NFASC: variants seen among roughly 807,000 people sequenced by gnomAD.
NFASC encodes neurofascin.
NFASC carries 43 observed loss-of-function variants against 147.5 expected under a neutral mutation model. That is an observed-to-expected ratio of 0.29 (90% CI 0.23 to 0.38). The LOEUF (loss-of-function observed/expected upper bound fraction) is 0.38. Among genes scored for constraint, NFASC ranks in the 10% least tolerant of loss-of-function variants. The pLI is 1.00. For missense variants in NFASC, 1,320 were observed against 1,689.0 expected (o/e 0.78, Z 3.83); for synonymous variants, 622 against 665.5 (o/e 0.93, Z 1.01).
chr1:204,983,745 G>A (rs993054821), intron 21 of NFASC, among the ~76,000 whole-genome samples: 1 of 152,186 alleles, frequency 6.6e-6, no homozygotes, highest in Non-Finnish European at 1.5e-5. Flanking sequence ...GAAGGGTGGA[G>A]GACAAAACGA....
intron 1 of NFASC, among the ~76,000 whole-genome samples, chr1:204,859,308 G>A (rs2076465050): frequency 6.6e-6 from 1 of 152,204 alleles, no homozygotes; most frequent in Non-Finnish European, 1.5e-5. Flanking sequence ...CCCAAGCCAG[G>A]CAGCCGGGCA....
At chr1:204,894,654 C>T (rs548705508) in intron 1 of NFASC, among the ~76,000 whole-genome samples, 6 of 152,324 alleles carry the variant, frequency 3.9e-5, no homozygotes, top group African/African-American at 1.2e-4. Context: ...CCCTTTAAAA[C>T]ATTTTACCAC....
At chr1:204,966,473 T>G (rs893111787) in intron 8 of NFASC, among the ~76,000 whole-genome samples, 1 of 152,158 alleles carries the variant, frequency 6.6e-6, no homozygotes, top group African/African-American at 2.4e-5. Context: ...CCCTAGAATC[T>G]CCTTTCCTCA....
At chr1:204,930,875 G>A (rs751016745) in intron 2 of NFASC, among the ~76,000 whole-genome samples, 2 of 152,320 alleles carry the variant, frequency 1.3e-5, no homozygotes, top group South Asian at 2.1e-4. Context: ...GGATATAGGA[G>A]GGCAGATGCT....
chr1:204,982,112 TG>T, intron 21 of NFASC, 92 bp downstream of exon 21: 2 of 806,346 alleles, frequency 2.5e-6, no homozygotes, highest in Non-Finnish European at 3.7e-6. Context: ...GGGGTGGGTA[TG>T]GGAGGACAGC....
intron 1 of NFASC, among the ~76,000 whole-genome samples, chr1:204,850,305 C>T (rs2075559537): frequency 6.6e-6 from 1 of 152,194 alleles, no homozygotes; most frequent in South Asian, 2.1e-4. Flanking sequence ...TATTTAGTAC[C>T]TTGTCCCATG....
chr1:204,921,886 C>T (rs553346950), intron 2 of NFASC, among the ~76,000 whole-genome samples: 1 of 151,940 alleles, frequency 6.6e-6, no homozygotes, highest in African/African-American at 2.4e-5. Context: ...CCTTTAGGGC[C>T]ACCACTTATC....
In NFASC at chr1:204,871,153, C is replaced by T. The variant is rs542770620; in HGVS notation, c.-200+42371C>T. 1.0e-4 allele frequency: 125 copies of T among 1,206,366 alleles called. 1 individual carries two copies. Among genetic ancestry groups the T allele is most frequent in the African/African-American group, 3.0e-4 (19 of 64,386 alleles). 74.7% of individuals were successfully genotyped at this position (1,206,366 alleles called of 1,614,324 possible). On this transcript the variant is annotated intron_variant, in intron 1 of 29. Coordinates refer to ENST00000339876, the MANE Select transcript of NFASC (RefSeq NM_001005388.3). ...GCTTTGGCCTTCAAAGACTCTGAAG[C>T]GGTGTGTGCTAGGATTGTGCATACT...
chr1:204,979,041 C>T lies in NFASC; in HGVS notation c.1950C>T (p.Pro650=), dbSNP rs192014745. The change falls in exon 18 of 30, where the codon CCC becomes CCT. Residue 650 remains proline, a synonymous_variant. Transcript: ENST00000339876. This position sits in a 1 kb window ranked among gnomAD's most constrained non-coding sequence, Gnocchi z 6.0. Reference sequence around the variant, plus strand: ...GGAGCGTGCGGCTGACCTGGATCCCCGGGGATGCTAACAACAGCCCCATCA... The same window carrying T: ...GGAGCGTGCGGCTGACCTGGATCCCTGGGGATGCTAACAACAGCCCCATCA... ...AERSVRLTWI[P]GDANNSPITD... 1,157 of 1,564,180 alleles carry T rather than the reference C, an allele frequency of 7.4e-4. 3 individuals are homozygous for T. Among genetic ancestry groups the T allele is most frequent in the Non-Finnish European group, 9.3e-4 (1,077 of 1,153,456 alleles).
chr1:204,878,903 T>C lies in NFASC; in HGVS notation c.-199-41729T>C, dbSNP rs777233779. On this transcript the variant is annotated intron_variant, in intron 1 of 29. Coordinates refer to ENST00000339876, the MANE Select transcript of NFASC (RefSeq NM_001005388.3). ...CATCCAGGAGGCAGGGGGACAGATC[T>C]TTGGAGAGGCCTGGCCAGAACTGGT... is the stretch of plus-strand genomic sequence containing the variant. Among the ~76,000 whole-genome samples, 160 of 152,358 alleles carry C rather than the reference T, an allele frequency of 1.1e-3. 5 individuals are homozygous for C. The highest frequency in any genetic ancestry group is 8.1e-4 in the Non-Finnish European group (55 of 68,030).
intron 1 of NFASC, among the ~76,000 whole-genome samples, chr1:204,853,207 T>C (rs1398599957): frequency 6.6e-6 from 1 of 152,098 alleles, no homozygotes; most frequent in African/African-American, 2.4e-5. Context: ...CTGAAAAAAA[T>C]GTTTTAATAT....
At chr1:204,957,525 G>C in intron 7 of NFASC, 131 bp from the exon 8 acceptor site, 1 of 746,458 alleles carries the variant, frequency 1.3e-6, no homozygotes, top group South Asian at 1.7e-5. Context: ...GAGTTGAGAG[G>C]ATTAGACCAA....
chr1:204,890,489 G>A (rs995140237), intron 1 of NFASC, among the ~76,000 whole-genome samples: 1 of 152,124 alleles, frequency 6.6e-6, no homozygotes, highest in Non-Finnish European at 1.5e-5. Flanking sequence ...AAGGGGAGAA[G>A]GGAAACATTT....
At chr1:204,836,232 C>T (rs987563010) in intron 1 of NFASC, among the ~76,000 whole-genome samples, 2 of 151,948 alleles carry the variant, frequency 1.3e-5, no homozygotes, top group Middle Eastern at 3.2e-3. Flanking sequence ...CTAGTTTTAT[C>T]TTTATTTGCA....
chr1:204,940,143 A>G (rs1458160229), intron 2 of NFASC, among the ~76,000 whole-genome samples: 2 of 152,206 alleles, frequency 1.3e-5, no homozygotes, highest in Admixed American at 6.5e-5. Flanking sequence ...GAGGTGAAAC[A>G]TAAACCGTTT....
chr1:204,843,729 G>A (rs907413557), intron 1 of NFASC, among the ~76,000 whole-genome samples: 8 of 144,544 alleles, frequency 5.5e-5, no homozygotes, highest in African/African-American at 1.8e-4. Context: ...TTTCTTTCAC[G>A]GAATTTCACT....
At chr1:204,946,332 T>G (rs749465423) in intron 3 of NFASC, 3 of 513,938 alleles carry the variant, frequency 5.8e-6, no homozygotes, top group Non-Finnish European at 1.2e-5. Flanking sequence ...ACATAGGTGT[T>G]ATCCTTAGCC....
At chr1:205,013,517 A>G (rs1018631499) in intron 29 of NFASC, among the ~76,000 whole-genome samples, 1 of 152,148 alleles carries the variant, frequency 6.6e-6, no homozygotes, top group Non-Finnish European at 1.5e-5. Flanking sequence ...CCAGTGAGTT[A>G]GTGGCAAAGC....
rs1055526075 is a variant in NFASC at position 204,867,951 on chromosome 1, G to A, written c.-200+39169G>A. ...GGGTCTCAGCCCTGGACAGGCCCTC[G>A]AGGCAGTCACATCCTACCTCCTACT... On this transcript the variant is annotated intron_variant, in intron 1 of 29. Coordinates refer to ENST00000339876, the MANE Select transcript of NFASC (RefSeq NM_001005388.3). Among the ~76,000 whole-genome samples, 76 of 152,306 alleles carry A rather than the reference G, an allele frequency of 5.0e-4. 1 individual carries two copies. Among genetic ancestry groups the A allele is most frequent in the Non-Finnish European group, 2.5e-4 (17 of 68,034 alleles).
Sources: allele counts gnomAD v4.1 joint callset (sites outside exome capture counted in the v4.1 genomes callset), GRCh38; gene constraint gnomAD v4.1.1; non-coding constraint Gnocchi (gnomAD v3.1); transcripts MANE v1.5; gene names NCBI Gene and HGNC (gene_info 2026-07-23, HGNC 2026-07-21).